STK3: variants seen among roughly 807,000 people sequenced by gnomAD.
STK3 encodes serine/threonine kinase 3, also known as serine/threonine-protein kinase 3.
Under a neutral mutation model 58.0 loss-of-function variants are expected in STK3, and 41 were observed. That is an observed-to-expected ratio of 0.71 (90% CI 0.55 to 0.92). The LOEUF is 0.92. Among genes scored for constraint, STK3 ranks in the 40% least tolerant of loss-of-function variants. The pLI is 0.00. For synonymous variants in STK3, 170 were observed against 191.0 expected, an observed-to-expected ratio of 0.89 and a Z score of 0.91; for missense variants, 479 against 602.7, an observed-to-expected ratio of 0.79 and a Z score of 2.15.
At chr8:98,691,521 A>G (rs765705684) in intron 6 of STK3, among the ~76,000 whole-genome samples, 15 of 152,270 alleles carry the variant, frequency 9.9e-5, no homozygotes, top group Non-Finnish European at 1.9e-4. Flanking sequence ...TATGGGGACA[A>G]CTGGAAAGAC....
At chr8:98,427,836 C>A (rs889351818) in intron 3 of STK3, 9 of 658,190 alleles carry the variant, frequency 1.4e-5, no homozygotes, top group Non-Finnish European at 2.3e-5. Context: ...CTTCAGCACC[C>A]AAGACCCACC....
chr8:98,933,958 T>C (rs897115538), intron 1 of STK3, among the ~76,000 whole-genome samples: 5 of 152,252 alleles, frequency 3.3e-5, no homozygotes, highest in African/African-American at 1.2e-4. Context: ...CTCTCCACAC[T>C]TATCTTTAGA....
intron 3 of STK3, among the ~76,000 whole-genome samples, chr8:98,843,909 C>T (rs1217507835): frequency 6.6e-6 from 1 of 152,188 alleles, no homozygotes; most frequent in African/African-American, 2.4e-5. Flanking sequence ...CCCAGCTACT[C>T]CAGCGCTTTG....
At chr8:98,371,020 G>T (rs1817604599), downstream of STK3, among the ~76,000 whole-genome samples, 1 of 152,232 alleles carries the variant, frequency 6.6e-6, no homozygotes, top group African/African-American at 2.4e-5. Flanking sequence ...GCTCTGGTAA[G>T]ATCTCAGACC....
chr8:98,685,505 G>A (rs968726097), intron 6 of STK3, among the ~76,000 whole-genome samples: 2 of 152,036 alleles, frequency 1.3e-5, no homozygotes, highest in African/African-American at 4.8e-5. Flanking sequence ...ACAAAAATAT[G>A]TTGAAACTGT....
chr8:98,679,399 T>C lies in STK3; in HGVS notation c.684+27068A>G, dbSNP rs188348181. On this transcript the variant is annotated intron_variant, in intron 6 of 10. Coordinates refer to ENST00000419617, the MANE Select transcript of STK3 (RefSeq NM_006281.4). ...AGCTTTTTATTCCAGTATCATCTTC[T>C]CAATGAGGCCTTCACTGGCAATCCA... 2.0e-5 allele frequency among the ~76,000 whole-genome samples: 3 copies of C among 152,322 alleles called. No individual in the cohort carries two copies. In the East Asian group the frequency reaches 5.8e-4, roughly 29 times the overall value.
chr8:98,880,688 A>C (rs1038812528), downstream of STK3: 1 of 152,236 alleles, frequency 6.6e-6, no homozygotes, highest in Non-Finnish European at 1.5e-5. Flanking sequence ...CACTTCACCA[A>C]AAAAGATATA....
intron 6 of STK3, among the ~76,000 whole-genome samples, chr8:98,671,949 T>G (rs1005334963): frequency 1.1e-4 from 16 of 152,072 alleles, no homozygotes; most frequent in Non-Finnish European, 1.5e-5. Context: ...ATAAAGGGCT[T>G]CCCCCTTTGC....
chr8:98,354,863 C>T, the STK3 span, among the ~76,000 whole-genome samples: 1 of 152,156 alleles, frequency 6.6e-6, no homozygotes, highest in Non-Finnish European at 1.5e-5. Flanking sequence ...ATGCAACCTC[C>T]GCCTGCCAGG....
At chr8:98,593,052 C>T (rs933488338) in intron 7 of STK3, among the ~76,000 whole-genome samples, 3 of 152,132 alleles carry the variant, frequency 2.0e-5, no homozygotes, top group Non-Finnish European at 2.9e-5. Flanking sequence ...GCGTGAGCCA[C>T]GGTGCCTGGC....
Position 98,549,871 on chromosome 8 carries a change from C to T in STK3, c.949-1710G>A, listed in dbSNP as rs891812720. The stretch of plus-strand genomic sequence containing the variant: ...AAAAAATTTAAAAATTAGCTGAACA[C>T]GGTGGTGTGCCTGTAGTCCTAGCTA... On this transcript the variant is annotated intron_variant, in intron 8 of 10. Coordinates refer to ENST00000419617, the MANE Select transcript of STK3 (RefSeq NM_006281.4). Among the ~76,000 whole-genome samples the T allele has an allele frequency of 6.6e-5, 10 of 152,016 alleles. No individual in the cohort carries two copies. In the South Asian group the frequency reaches 8.3e-4, roughly 13 times the overall value.
chr8:98,431,978 C>G (rs968178565), intron 3 of STK3: 2 of 167,018 alleles, frequency 1.2e-5, no homozygotes, highest in Non-Finnish European at 2.9e-5. Flanking sequence ...AAGAACAACC[C>G]GGCTGGCTTA....
intron 6 of STK3, among the ~76,000 whole-genome samples, chr8:98,682,778 T>C (rs1173853258): frequency 6.6e-6 from 1 of 152,134 alleles, no homozygotes; most frequent in Non-Finnish European, 1.5e-5. Context: ...TTAAACCTGA[T>C]AGAGACACCA....
At chr8:98,744,558 A>C (rs996234401) in intron 4 of STK3, among the ~76,000 whole-genome samples, 1 of 130,150 alleles carries the variant, frequency 7.7e-6, no homozygotes, top group Non-Finnish European at 1.6e-5. Flanking sequence ...CAGGAAGGGG[A>C]ACATCGCACT....
At chr8:98,901,480 C>A (rs1008595204) in intron 1 of STK3, among the ~76,000 whole-genome samples, 1 of 152,204 alleles carries the variant, frequency 6.6e-6, no homozygotes, top group East Asian at 1.9e-4. Flanking sequence ...AAAAAGAAAG[C>A]CTGGGAGCGG....
At chr8:98,592,614 C>G (rs1440842702) in intron 7 of STK3, among the ~76,000 whole-genome samples, 1 of 151,978 alleles carries the variant, frequency 6.6e-6, no homozygotes, top group African/African-American at 2.4e-5. Context: ...TCTTATTGCT[C>G]TACACTCCTC....
chr8:98,486,035 G>T (rs1001665453), intron 10 of STK3, among the ~76,000 whole-genome samples: 1 of 152,176 alleles, frequency 6.6e-6, no homozygotes, highest in Admixed American at 6.5e-5. Flanking sequence ...GAAACAGACC[G>T]AAAGACACAT....
intron 1 of STK3, among the ~76,000 whole-genome samples, chr8:98,387,220 A>G (rs1040340041): frequency 5.3e-5 from 8 of 152,210 alleles, no homozygotes; most frequent in African/African-American, 1.4e-4. Context: ...TTTCAGTTAC[A>G]TTGTTAATAA....
chr8:98,500,193 A>C (rs1385679184), intron 10 of STK3, among the ~76,000 whole-genome samples: 2 of 152,114 alleles, frequency 1.3e-5, no homozygotes, highest in East Asian at 3.9e-4. Context: ...AGAAAACAAA[A>C]AGAAACAGAT....
Sources: allele counts gnomAD v4.1 joint callset (sites outside exome capture counted in the v4.1 genomes callset), GRCh38; gene constraint gnomAD v4.1.1; transcripts MANE v1.5; gene names NCBI Gene and HGNC (gene_info 2026-07-23, HGNC 2026-07-21).